Variants in GSAP observed in about 807,000 individuals in gnomAD.
GSAP encodes gamma-secretase-activating protein.
Under a neutral mutation model 131.7 loss-of-function variants are expected in GSAP, and 118 were observed. The ratio of observed to expected loss-of-function variants is 0.90; its 90% confidence interval spans 0.77 to 1.04. The LOEUF (loss-of-function observed/expected upper bound fraction) is 1.04. GSAP is among the 50% of genes least tolerant of loss of function. The probability of loss-of-function intolerance (pLI) is 0.00; values close to 1 mark genes in which losing one functional copy is unlikely to be tolerated. For synonymous variants in GSAP, 381 were observed against 363.4 expected (o/e 1.05, Z -0.55); for missense variants, 1,019 against 1,013.2 (o/e 1.01, Z -0.08).
chr7:77,328,726 A>T (rs1788671190), intron 21 of GSAP, 89 bp from the exon 22 acceptor site: 1 of 816,462 alleles, frequency 1.2e-6, no homozygotes, highest in South Asian at 1.5e-5. Context: ...TCCTTTAAAA[A>T]TTCATAAAAA....
In GSAP at chr7:77,311,235, C is replaced by A; in HGVS notation, c.*123G>T. On this transcript the variant is annotated 3_prime_UTR_variant, in exon 31 of 31. Coordinates refer to ENST00000257626, the MANE Select transcript of GSAP (RefSeq NM_017439.4). Reference sequence around the variant, plus strand: ...GTGTACCAACCTGAAACTCACATGGCTAAACAATTATGGCTAAACTATTTT... The same window carrying A: ...GTGTACCAACCTGAAACTCACATGGATAAACAATTATGGCTAAACTATTTT... 1.5e-6 allele frequency: 1 copy of A among 676,546 alleles called. No individual in the cohort carries two copies. Among genetic ancestry groups the A allele is most frequent in the Non-Finnish European group, 2.6e-6 (1 of 384,242 alleles). The allele number at this position is 676,546 out of a possible 1,614,324, so 41.9% of individuals were successfully genotyped here. A position where few individuals can be genotyped will look rare whatever the true frequency, so the allele number is the denominator to read the frequency against.
intron 7 of GSAP, among the ~76,000 whole-genome samples, chr7:77,382,300 C>T (rs1797915886): frequency 6.6e-6 from 1 of 152,076 alleles, no homozygotes. Flanking sequence ...ATGCAACTTT[C>T]TACAAACATT....
rs151274591 is a variant in GSAP at position 77,391,538 on chromosome 7, A to C, written c.368-4090T>G. The stretch of plus-strand genomic sequence containing the variant: ...CAATGCCTCATTATTAAACATAATA[A>C]AACATGCAGGGCAAGGTGCTCACGC... On this transcript the variant is annotated intron_variant, in intron 5 of 30. Transcript: ENST00000257626. Among the ~76,000 whole-genome samples the C allele has an allele frequency of 6.5e-3, 992 of 152,304 alleles. 5 individuals are homozygous for C. Among genetic ancestry groups the C allele is most frequent in the Non-Finnish European group, 0.012 (796 of 68,022 alleles).
intron 1 of GSAP, among the ~76,000 whole-genome samples, chr7:77,415,282 T>C (rs763478861): frequency 1.1e-4 from 16 of 151,822 alleles, no homozygotes; most frequent in Admixed American, 2.0e-4. Flanking sequence ...GGGAAAGGAG[T>C]TGTAGATGTG....
At chr7:77,345,875 G>A (rs1057026121) in intron 19 of GSAP, among the ~76,000 whole-genome samples, 8 of 152,094 alleles carry the variant, frequency 5.3e-5, no homozygotes, top group African/African-American at 1.4e-4. Flanking sequence ...CTGGACGCAC[G>A]TGACATCCCT....
chr7:77,326,321 A>T (rs767321526), intron 22 of GSAP, 48 bp from the exon 23 acceptor site: 1 of 1,285,130 alleles, frequency 7.8e-7, no homozygotes, highest in East Asian at 2.3e-5. Context: ...TTTTCAGGAG[A>T]TGGGTTAGAA....
At chr7:77,374,018 G>T (rs944358344) in intron 12 of GSAP, 52 bp downstream of exon 12, 101 of 986,358 alleles carry the variant, frequency 1.0e-4, no homozygotes, top group Admixed American at 8.7e-4. Context: ...AGTAAATTTT[G>T]TCTAGAACTC....
At chr7:77,382,858 T>C (rs1028319880) in intron 6 of GSAP, among the ~76,000 whole-genome samples, 1 of 152,072 alleles carries the variant, frequency 6.6e-6, no homozygotes, top group Non-Finnish European at 1.5e-5. Context: ...GGGGAATTGA[T>C]CTCAAATACA....
chr7:77,359,171 A>C (rs1463786043), intron 14 of GSAP, among the ~76,000 whole-genome samples: 1 of 152,078 alleles, frequency 6.6e-6, no homozygotes, highest in African/African-American at 2.4e-5. Context: ...ACTGCACTCC[A>C]GCCTGGGAGA....
At chr7:77,362,208 C>T (rs1489475893) in intron 13 of GSAP, among the ~76,000 whole-genome samples, 4 of 152,230 alleles carry the variant, frequency 2.6e-5, no homozygotes, top group African/African-American at 4.8e-5. Context: ...TACTCTCAGC[C>T]GGGCATGGTG....
rs1025211091 is a variant in GSAP at position 77,330,251 on chromosome 7, C to G, written c.1662G>C (p.Leu554=). 3 of 1,612,220 alleles carry G rather than the reference C, an allele frequency of 1.9e-6. No homozygotes were observed. The highest frequency in any genetic ancestry group is 1.3e-5 in the African/African-American group (1 of 74,974). Residue 554 remains leucine, a synonymous_variant, in exon 20 of 31, where the codon CTG becomes CTC. Transcript: ENST00000257626. ...GACCCACTCATACCTCTTCAGAGAT[C>G]AGGTTGTGCCACTCTCTCCTGACCA... ...NSVVRREWHN[L]ISEEKTGKRR...
In GSAP at chr7:77,328,713, T is replaced by C. The variant is rs1788669871; in HGVS notation, c.1734-76A>G. ...TTTAAAGCCACATCATACAAAGATA[T>C]CCTCCTTTAAAAATTCATAAAAACC... On this transcript the variant is annotated intron_variant, in intron 21 of 30. Coordinates refer to ENST00000257626, the MANE Select transcript of GSAP (RefSeq NM_017439.4). The C allele has an allele frequency of 1.5e-5, 13 of 870,412 alleles. No homozygotes were observed. In the South Asian group the frequency reaches 1.7e-4, roughly 12 times the overall value. 53.9% of individuals were successfully genotyped at this position (870,412 alleles called of 1,614,324 possible). A position where few individuals can be genotyped will look rare whatever the true frequency, so the allele number is the denominator to read the frequency against.
chr7:77,326,342 T>TC, intron 22 of GSAP, 69 bp from the exon 23 acceptor site: 2 of 1,050,414 alleles, frequency 1.9e-6, no homozygotes, highest in Non-Finnish European at 2.9e-6. Flanking sequence ...GGAAGAAGAA[T>TC]CAGCCTGGGT....
chr7:77,365,898 GTTTTTTT>G (rs35007328), intron 12 of GSAP, among the ~76,000 whole-genome samples: 4 of 115,590 alleles, frequency 3.5e-5, no homozygotes, highest in East Asian at 2.7e-4. Flanking sequence ...GCAACTGTGG[GTTTTTTT>G]TTTTTTTTTT....
At chr7:77,400,306 TAA>T in intron 3 of GSAP, among the ~76,000 whole-genome samples, 1 of 151,944 alleles carries the variant, frequency 6.6e-6, no homozygotes. Context: ...GACCCAGTAG[TAA>T]AGAGTTCCCT....
intron 3 of GSAP, among the ~76,000 whole-genome samples, chr7:77,402,409 A>T (rs573636708): frequency 0.013 from 1,683 of 132,728 alleles, 28 homozygotes; most frequent in African/African-American, 0.042. Context: ...AAAGAAAAAA[A>T]AAATATATAT....
chr7:77,328,444 G>C (rs1788627666), intron 22 of GSAP, 162 bp downstream of exon 22: 3 of 1,360,030 alleles, frequency 2.2e-6, no homozygotes, highest in Non-Finnish European at 9.5e-7. Flanking sequence ...ACAGACATGG[G>C]AAGAGCCGTG....
At chr7:77,377,578 C>T in intron 8 of GSAP, among the ~76,000 whole-genome samples, 188 bp from the exon 9 acceptor site, 1 of 152,142 alleles carries the variant, frequency 6.6e-6, no homozygotes, top group African/African-American at 2.4e-5. Context: ...GACATAATTT[C>T]ATTGCCTCCT....
chr7:77,401,848 C>T (rs772977539), intron 3 of GSAP, among the ~76,000 whole-genome samples: 11 of 152,206 alleles, frequency 7.2e-5, no homozygotes, highest in Non-Finnish European at 1.3e-4. Context: ...TAGTTCCACA[C>T]TTCATTCGAA....
Sources: gnomAD v4.1 joint callset for allele counts (sites outside exome capture counted in the v4.1 genomes callset) on GRCh38, gnomAD v4.1.1 for gene constraint, MANE v1.5 for transcripts, NCBI Gene and HGNC (gene_info 2026-07-23, HGNC 2026-07-21) for gene names.